Variants in ZNF496 observed in about 807,000 individuals in gnomAD.
The protein encoded by ZNF496 is zinc finger protein 496, also known as NSD1 (nuclear receptor binding SET-domain containing 1)-interacting zinc finger protein 1.
Under a neutral mutation model 58.9 loss-of-function variants are expected in ZNF496, and 11 were observed. The ratio of observed to expected loss-of-function variants is 0.19; its 90% CI spans 0.12 to 0.31. The LOEUF (loss-of-function observed/expected upper bound fraction) is 0.31. Ranked by LOEUF, ZNF496 falls within the 10% of genes least tolerant of loss-of-function variation. The pLI is 1.00. For missense variants in ZNF496, 660 were observed against 783.0 expected (o/e 0.84, Z 1.88); for synonymous variants, 338 against 318.2 (o/e 1.06, Z -0.66).
rs1659200249 is a variant in ZNF496 at position 247,300,458 on chromosome 1, G to T, written c.*61C>A. ...AAGGTATGTCCTGGGTGGGGGCGCT[G>T]ATCAGTACCAAGGTGAGGGGGCAGC... On this transcript the variant is annotated 3_prime_UTR_variant, in exon 10 of 10. Coordinates refer to ENST00000682384, the MANE Select transcript of ZNF496 (RefSeq NM_032752.3). The surrounding 1 kb of genome is among the most constrained non-coding windows in gnomAD (Gnocchi z 5.7). 1 of 1,519,910 alleles carries T rather than the reference G, an allele frequency of 6.6e-7. No homozygotes were observed. The highest frequency in any genetic ancestry group is 1.3e-5 in the South Asian group (1 of 78,560). The allele number at this position is 1,519,910 out of a possible 1,614,324, so 94.2% of individuals were successfully genotyped here. A position where few individuals can be genotyped will look rare whatever the true frequency, so the allele number is the denominator to read the frequency against.
At chr1:247,310,679 G>A (rs1340091866) in intron 6 of ZNF496, 1 of 545,562 alleles carries the variant, frequency 1.8e-6, no homozygotes, top group East Asian at 3.1e-5. Flanking sequence ...GGTGTCTTCT[G>A]TGTCCTTACA....
intron 5 of ZNF496, 47 bp from the exon 6 acceptor site, chr1:247,323,277 C>A: frequency 6.8e-7 from 1 of 1,481,064 alleles, no homozygotes. Flanking sequence ...CAGGGCCAGG[C>A]CTGGTGCTGA....
At chr1:247,306,507 T>TC (rs397766246) in intron 9 of ZNF496, among the ~76,000 whole-genome samples, 6 of 147,596 alleles carry the variant, frequency 4.1e-5, no homozygotes, top group African/African-American at 1.5e-4. Context: ...GTTTTTTTTT[T>TC]CTTTTTCTTT....
chr1:247,327,662 G>A (rs377453370), intron 5 of ZNF496, among the ~76,000 whole-genome samples: 2 of 152,288 alleles, frequency 1.3e-5, no homozygotes, highest in South Asian at 4.1e-4. Context: ...AATTTAATAG[G>A]CATTTTGGTT....
rs894293522 is a variant in ZNF496, at chr1:247,298,435, C to G, written c.*2084G>C. On this transcript the variant is annotated 3_prime_UTR_variant, in exon 10 of 10. Coordinates refer to ENST00000682384, the MANE Select transcript of ZNF496 (RefSeq NM_032752.3). ...TCCCAGACTCAAGCAATCCTCCCACCTCAGCCTCCAGAGTAGCTGGGACCG... is the reference window on the plus strand; with the variant it reads ...TCCCAGACTCAAGCAATCCTCCCACGTCAGCCTCCAGAGTAGCTGGGACCG... 1 of 152,302 alleles carries G rather than the reference C, an allele frequency of 6.6e-6. No individual in the cohort carries two copies. The highest frequency in any genetic ancestry group is 2.4e-5 in the African/African-American group (1 of 41,470). The allele number at this position is 152,302 out of a possible 1,614,324, so 9.4% of individuals were successfully genotyped here. A position where few individuals can be genotyped will look rare whatever the true frequency, so the allele number is the denominator to read the frequency against.
In ZNF496 at chr1:247,316,652, T is replaced by A. The variant is rs76359763; in HGVS notation, c.652-6196A>T. 7.2e-3 allele frequency among the ~76,000 whole-genome samples: 1,093 copies of A among 152,254 alleles called. 13 individuals are homozygous for A. The highest frequency in any genetic ancestry group is 0.024 in the African/African-American group (1,012 of 41,532). ...AATATGAGAAGTCAATTATTTTTTT[T>A]ATAAATTACAGTTTCAGGTATTCTG... On this transcript the variant is annotated intron_variant, in intron 6 of 9. Coordinates refer to ENST00000682384, the MANE Select transcript of ZNF496 (RefSeq NM_032752.3).
intron 5 of ZNF496, among the ~76,000 whole-genome samples, chr1:247,327,523 A>G (rs1264398928): frequency 6.6e-6 from 1 of 152,242 alleles, no homozygotes; most frequent in Non-Finnish European, 1.5e-5. Context: ...TTTCTGTTAC[A>G]TAAGGCATCC....
intron 6 of ZNF496, among the ~76,000 whole-genome samples, chr1:247,314,104 G>A (rs1004638972): frequency 5.3e-5 from 8 of 151,964 alleles, no homozygotes; most frequent in African/African-American, 9.7e-5. Flanking sequence ...CTGTCACCCC[G>A]GCTGGAGTGC....
Position 247,318,936 on chromosome 1 carries a change from A to C in ZNF496, c.651+4218T>G, listed in dbSNP as rs1427673071. 1.4e-4 allele frequency among the ~76,000 whole-genome samples: 3 copies of C among 21,908 alleles called. No homozygotes were observed. In the Non-Finnish European group the frequency reaches 2.0e-3, roughly 15 times the overall value. The allele number at this position is 21,908 out of a possible 152,430, so 14.4% of individuals were successfully genotyped here. On this transcript the variant is annotated intron_variant, in intron 6 of 9. Transcript: ENST00000682384. ...GGAAATATTTAAACAACTGCATTATAATGGGGAAGAAGGATGAGGGTATGT... is the reference window on the plus strand; with the variant it reads ...GGAAATATTTAAACAACTGCATTATCATGGGGAAGAAGGATGAGGGTATGT...
At chr1:247,318,621 G>C (rs1176574181) in intron 6 of ZNF496, among the ~76,000 whole-genome samples, 1 of 151,888 alleles carries the variant, frequency 6.6e-6, no homozygotes, top group Non-Finnish European at 1.5e-5. Context: ...TGTCAAGTGT[G>C]AATCTTTCAT....
intron 6 of ZNF496, chr1:247,313,666 A>C (rs569485014): frequency 6.6e-6 from 1 of 152,280 alleles, no homozygotes; most frequent in Admixed American, 6.5e-5. Flanking sequence ...GGATTTCTCA[A>C]GTTTATGTTG....
chr1:247,327,049 C>T (rs1175890581), intron 5 of ZNF496, among the ~76,000 whole-genome samples: 1 of 152,064 alleles, frequency 6.6e-6, no homozygotes, highest in African/African-American at 2.4e-5. Context: ...TAAGAGACTT[C>T]CCCTCCTAGC....
At chr1:247,323,812 G>C (rs968433280) in intron 5 of ZNF496, among the ~76,000 whole-genome samples, 2 of 151,736 alleles carry the variant, frequency 1.3e-5, no homozygotes, top group African/African-American at 4.8e-5. Flanking sequence ...TAGAGTTGAG[G>C]AATCTATAAG....
intron 6 of ZNF496, among the ~76,000 whole-genome samples, chr1:247,322,496 G>A (rs1278449514): frequency 6.6e-6 from 1 of 152,182 alleles, no homozygotes; most frequent in East Asian, 1.9e-4. Context: ...GTGCCAGCCA[G>A]TGGAAAGTGT....
chr1:247,300,972 G>C lies in ZNF496; in HGVS notation c.1311C>G (p.Cys437Trp). The C allele has an allele frequency of 6.2e-7, 1 of 1,613,894 alleles. No homozygotes were observed. Among genetic ancestry groups the C allele is most frequent in the Non-Finnish European group, 8.5e-7 (1 of 1,180,050 alleles). The change falls in exon 10 of 10, where the codon TGC becomes TGG. Residue 437 changes from cysteine (C) to tryptophan (W), a missense_variant. Physicochemically the swap from Cys to Trp is radical, Grantham distance 215 (BLOSUM62 -2). Transcript: ENST00000682384. This position sits in a 1 kb window ranked among gnomAD's most constrained non-coding sequence, Gnocchi z 5.7. ...SRREQEKPHE[C>W]SVCGELFSDS... ...CGCTGAACAGCTCCCCGCACACCGA[G>C]CACTCGTGCGGCTTCTCCTGCTCCC...
chr1:247,323,771 A>AG (rs1660031848), intron 5 of ZNF496, among the ~76,000 whole-genome samples: 1 of 151,570 alleles, frequency 6.6e-6, no homozygotes, highest in Admixed American at 6.6e-5. Flanking sequence ...AGAAAAAGAA[A>AG]AAAAAAAAGA....
At chr1:247,314,938 G>C (rs1487164727) in intron 6 of ZNF496, among the ~76,000 whole-genome samples, 2 of 151,814 alleles carry the variant, frequency 1.3e-5, no homozygotes, top group Non-Finnish European at 2.9e-5. Flanking sequence ...TTTTAGTAGA[G>C]ATGGAGTTTC....
chr1:247,308,114 G>C lies in ZNF496; in HGVS notation c.1006+361C>G. 1 of 745,784 alleles carries C rather than the reference G, an allele frequency of 1.3e-6. No homozygotes were observed. Among genetic ancestry groups the C allele is most frequent in the African/African-American group, 1.9e-5 (1 of 52,662 alleles). The allele number at this position is 745,784 out of a possible 1,614,324, so 46.2% of individuals were successfully genotyped here. On this transcript the variant is annotated intron_variant, in intron 9 of 9. Coordinates refer to ENST00000682384, the MANE Select transcript of ZNF496 (RefSeq NM_032752.3). This position sits in a 1 kb window ranked among gnomAD's most constrained non-coding sequence, Gnocchi z 4.5. ...ACACCCTCCCCGGCCCCTGGGAAAG[G>C]CAAGGAGGGTGAGCCTGGGATTGGG...
At chr1:247,315,236 A>G (rs1476809161) in intron 6 of ZNF496, among the ~76,000 whole-genome samples, 3 of 152,078 alleles carry the variant, frequency 2.0e-5, no homozygotes, top group African/African-American at 4.8e-5. Flanking sequence ...TGACCCATGC[A>G]GGACACCCCA....
Sources: allele counts gnomAD v4.1 joint callset (sites outside exome capture counted in the v4.1 genomes callset), GRCh38; gene constraint gnomAD v4.1.1; non-coding constraint Gnocchi (gnomAD v3.1); transcripts MANE v1.5; gene names NCBI Gene and HGNC (gene_info 2026-07-23, HGNC 2026-07-21).